Variants in FOXP4 observed in about 807,000 individuals in gnomAD.
FOXP4 encodes the protein forkhead box P4, also known as forkhead box protein P4.
FOXP4 carries 25 observed loss-of-function variants against 82.6 expected under a neutral mutation model. The observed-to-expected ratio is 0.30, with a 90% CI of 0.22 to 0.42. FOXP4 has a LOEUF of 0.42. FOXP4 is among the 10% of genes least tolerant of loss of function. FOXP4 has a pLI of 1.00. For missense variants in FOXP4, 785 were observed against 900.9 expected (o/e 0.87, Z 1.65); for synonymous variants, 415 against 388.2 (o/e 1.07, Z -0.81).
At chr6:41,596,486 C>T (rs1201282374) in intron 14 of FOXP4, among the ~76,000 whole-genome samples, 11 of 152,212 alleles carry the variant, frequency 7.2e-5, no homozygotes, top group Admixed American at 7.2e-4. Flanking sequence ...AAGCCATCCC[C>T]TGGTGAATGC....
intron 1 of FOXP4, among the ~76,000 whole-genome samples, chr6:41,560,619 G>C (rs1427906230): frequency 1.3e-5 from 2 of 152,168 alleles, no homozygotes; most frequent in African/African-American, 2.4e-5. Flanking sequence ...GGTAAACTCC[G>C]GGCATCCATC....
chr6:41,592,266 G>A (rs116093310), intron 13 of FOXP4, among the ~76,000 whole-genome samples: 123 of 152,298 alleles, frequency 8.1e-4, no homozygotes, highest in African/African-American at 2.7e-3. Flanking sequence ...CAGCGCCCAG[G>A]ACTTGGTGGG....
chr6:41,575,010 T>C (rs1305041868), intron 2 of FOXP4, among the ~76,000 whole-genome samples: 4 of 152,110 alleles, frequency 2.6e-5, no homozygotes, highest in African/African-American at 9.7e-5. Flanking sequence ...GCTCTGTTGC[T>C]CAGGCTGGAG....
intron 3 of FOXP4, among the ~76,000 whole-genome samples, chr6:41,583,804 A>G (rs2127385989): frequency 6.6e-6 from 1 of 152,332 alleles, no homozygotes; most frequent in Non-Finnish European, 1.5e-5. Flanking sequence ...GGCTGGGAAG[A>G]GAATGATGTC....
chr6:41,599,218 A>C lies in FOXP4; in HGVS notation c.*282A>C. The C allele has an allele frequency of 1.1e-5, 3 of 273,394 alleles. No individual in the cohort carries two copies. Among genetic ancestry groups the C allele is most frequent in the Non-Finnish European group, 2.1e-5 (3 of 145,342 alleles). The allele number at this position is 273,394 out of a possible 1,614,324, so 16.9% of individuals were successfully genotyped here. ...CCCACATCTGAAACTGCCTCCCCCC[A>C]ACCACCAGCAGCAGCAGGGCCCTCC... On this transcript the variant is annotated 3_prime_UTR_variant, in exon 17 of 17. Coordinates refer to ENST00000307972, the MANE Select transcript of FOXP4 (RefSeq NM_001012426.2).
At position 41,599,175 on chromosome 6, in the gene FOXP4, A is replaced by C; in HGVS notation, c.*239A>C. 1 of 436,166 alleles carries C rather than the reference A, an allele frequency of 2.3e-6. No homozygotes were observed. The highest frequency in any genetic ancestry group is 4.0e-6 in the Non-Finnish European group (1 of 249,564). 27.0% of individuals were successfully genotyped at this position (436,166 alleles called of 1,614,324 possible). A position where few individuals can be genotyped will look rare whatever the true frequency, so the allele number is the denominator to read the frequency against. ...CCAGTAGAGGACACGGAGGGTTCAGACCCCTCCTCAGACCCTCCCCACATC... is the reference window on the plus strand; with the variant it reads ...CCAGTAGAGGACACGGAGGGTTCAGCCCCCTCCTCAGACCCTCCCCACATC... On this transcript the variant is annotated 3_prime_UTR_variant, in exon 17 of 17. Coordinates refer to ENST00000307972, the MANE Select transcript of FOXP4 (RefSeq NM_001012426.2).
At position 41,593,921 on chromosome 6, in the gene FOXP4, G is replaced by A. The variant is rs959677698; in HGVS notation, c.1537-949G>A. On this transcript the variant is annotated intron_variant, in intron 13 of 16. Transcript: ENST00000307972. This position sits in a 1 kb window ranked among gnomAD's most constrained non-coding sequence, Gnocchi z 4.1. ...AGACAAGGATGGGGACGAGGCGGGG[G>A]AGGCTAAGGGAGGACAGGTAACAGG... 5.9e-5 allele frequency among the ~76,000 whole-genome samples: 9 copies of A among 152,190 alleles called. No individual in the cohort carries two copies. The highest frequency in any genetic ancestry group is 2.2e-4 in the African/African-American group (9 of 41,452).
intron 1 of FOXP4, among the ~76,000 whole-genome samples, chr6:41,551,464 C>T (rs1211195392): frequency 2.0e-5 from 3 of 152,176 alleles, no homozygotes; most frequent in Non-Finnish European, 2.9e-5. Context: ...TCCCTGAATC[C>T]CAGCTGCTCT....
rs1766527679 is a variant in FOXP4, at chr6:41,591,786, A to G, written c.1536+464A>G. ...GGATGGACCAAGAGCCGTGGACCAC[A>G]CATTGGGGCACTGACGGCACTCACA... On this transcript the variant is annotated intron_variant, in intron 13 of 16. Transcript: ENST00000307972. This position sits in a 1 kb window ranked among gnomAD's most constrained non-coding sequence, Gnocchi z 4.2. Among the ~76,000 whole-genome samples the G allele has an allele frequency of 6.6e-6, 1 of 152,158 alleles. No homozygotes were observed. Among genetic ancestry groups the G allele is most frequent in the South Asian group, 2.1e-4 (1 of 4,830 alleles).
chr6:41,577,519 ACCT>A (rs1463525305), intron 2 of FOXP4, among the ~76,000 whole-genome samples: 1 of 151,936 alleles, frequency 6.6e-6, no homozygotes, highest in African/African-American at 2.4e-5. Context: ...AAGTTACTTA[ACCT>A]CCTGGAGACT....
chr6:41,586,973 A>G, intron 5 of FOXP4, 36 bp from the exon 6 acceptor site: 1 of 1,542,462 alleles, frequency 6.5e-7, no homozygotes, highest in Non-Finnish European at 8.8e-7. Context: ...AGCTGATGGC[A>G]CCCCTCTCTG....
intron 1 of FOXP4, among the ~76,000 whole-genome samples, chr6:41,552,454 G>C (rs548171989): frequency 1.3e-5 from 2 of 152,232 alleles, no homozygotes; most frequent in South Asian, 4.1e-4. Context: ...GTGTAGAGTT[G>C]GTCCACTGAG....
rs539860331 is a variant in FOXP4 at position 41,580,746 on chromosome 6, C to G, written c.300+2665C>G. ...GAGAGCAAGGACTGGGCTCCCCACC[C>G]GAGCAGAAGAGTGCATCTTGAGCCT... is the stretch of plus-strand genomic sequence containing the variant. On this transcript the variant is annotated intron_variant, in intron 3 of 16. Coordinates refer to ENST00000307972, the MANE Select transcript of FOXP4 (RefSeq NM_001012426.2). 8.6e-4 allele frequency among the ~76,000 whole-genome samples: 131 copies of G among 152,180 alleles called. 3 individuals carry two copies. The South Asian group carries it at 0.026, about 30-fold the overall frequency.
chr6:41,551,988 C>T (rs115844434), intron 1 of FOXP4, among the ~76,000 whole-genome samples: 1,956 of 152,244 alleles, frequency 0.013, 37 homozygotes, highest in African/African-American at 0.043. Context: ...CCTGAGCCAG[C>T]GTGGGTCCTG....
chr6:41,585,818 G>A (rs561761270), intron 5 of FOXP4, among the ~76,000 whole-genome samples: 28 of 152,102 alleles, frequency 1.8e-4, no homozygotes, highest in African/African-American at 6.0e-4. Context: ...ACGCTCATGT[G>A]CCTTGTGGTC....
At chr6:41,589,630 G>A (rs534833757) in intron 9 of FOXP4, 141 bp from the exon 10 acceptor site, 4 of 798,366 alleles carry the variant, frequency 5.0e-6, no homozygotes, top group Non-Finnish European at 8.0e-6. Context: ...GGGTCACAGA[G>A]GGAGCATGGA....
At chr6:41,595,940 C>T (rs1285329911) in intron 14 of FOXP4, among the ~76,000 whole-genome samples, 2 of 152,186 alleles carry the variant, frequency 1.3e-5, no homozygotes, top group Non-Finnish European at 2.9e-5. Flanking sequence ...CTCTGTTGCC[C>T]AGGCTGGAGT....
chr6:41,589,857 G>GAGT lies in FOXP4; in HGVS notation c.1149+4_1149+6dup, dbSNP rs1223184321. On this transcript the variant is annotated splice_donor_region_variant and intron_variant, in intron 10 of 16. Transcript: ENST00000307972. ...AGCCCAAGCCCTTCAGCCAGCCAGT[G>GAGT]AGTGCTGCTCCCCTCCCCGCCCCTC... The GAGT allele has an allele frequency of 6.2e-7, 1 of 1,611,096 alleles. No individual in the cohort carries two copies. Among genetic ancestry groups the GAGT allele is most frequent in the Non-Finnish European group, 8.5e-7 (1 of 1,179,864 alleles).
intron 2 of FOXP4, among the ~76,000 whole-genome samples, chr6:41,575,589 C>T (rs1304275792): frequency 6.6e-6 from 1 of 152,090 alleles, no homozygotes; most frequent in African/African-American, 2.4e-5. Context: ...GGGGAGGTCT[C>T]AGGAATGAGA....
Sources: gnomAD v4.1 joint callset for allele counts (sites outside exome capture counted in the v4.1 genomes callset) on GRCh38, gnomAD v4.1.1 for gene constraint, Gnocchi (gnomAD v3.1) non-coding constraint, MANE v1.5 for transcripts, NCBI Gene and HGNC (gene_info 2026-07-23, HGNC 2026-07-21) for gene names.